Variants in FMN2 observed in about 807,000 individuals in gnomAD.
The protein encoded by FMN2 is formin-2.
Under a neutral mutation model 142.3 loss-of-function variants are expected in FMN2, and 51 were observed. The observed-to-expected ratio is 0.36, with a 90% CI of 0.29 to 0.45. FMN2 has a LOEUF of 0.45. Ranked by LOEUF, FMN2 falls within the 20% of genes least tolerant of loss-of-function variation. The probability of loss-of-function intolerance (pLI) is 1.00; values close to 1 mark genes in which losing one functional copy is unlikely to be tolerated. For synonymous variants in FMN2, 882 were observed against 869.8 expected, an observed-to-expected ratio of 1.01 and a Z score of -0.25; for missense variants, 1,936 against 2,122.8, an observed-to-expected ratio of 0.91 and a Z score of 1.73.
chr1:240,468,280 GCA>G (rs1308016727), intron 16 of FMN2, among the ~76,000 whole-genome samples: 2 of 149,610 alleles, frequency 1.3e-5, no homozygotes, highest in East Asian at 2.0e-4. Flanking sequence ...ATATACATAT[GCA>G]CACACACATA....
intron 1 of FMN2, among the ~76,000 whole-genome samples, chr1:240,116,532 T>C (rs996764243): frequency 7.2e-6 from 1 of 139,146 alleles, no homozygotes; most frequent in African/African-American, 2.5e-5. Context: ...GAGAGTAAAA[T>C]GCTTTAAGGA....
At chr1:240,388,874 A>G (rs1382163529) in intron 14 of FMN2, among the ~76,000 whole-genome samples, 1 of 148,688 alleles carries the variant, frequency 6.7e-6, no homozygotes, top group African/African-American at 2.5e-5. Context: ...AAAAAAAAAA[A>G]AAAGGGGGGG....
chr1:240,418,925 C>G, intron 15 of FMN2, among the ~76,000 whole-genome samples: 1 of 151,828 alleles, frequency 6.6e-6, no homozygotes, highest in East Asian at 1.9e-4. Flanking sequence ...TGGCCAACAT[C>G]ATGAAACCCC....
chr1:240,114,770 G>A (rs1392728789), intron 1 of FMN2, among the ~76,000 whole-genome samples: 1 of 149,050 alleles, frequency 6.7e-6, no homozygotes. Context: ...TGATTCTCCT[G>A]CCTCAACTTC....
chr1:240,306,608 C>T (rs1016387154), intron 8 of FMN2, among the ~76,000 whole-genome samples: 3 of 152,196 alleles, frequency 2.0e-5, no homozygotes, highest in Non-Finnish European at 2.9e-5. Context: ...TGTAGCATTC[C>T]GTGGGGTATA....
intron 2 of FMN2, among the ~76,000 whole-genome samples, chr1:240,172,397 TA>T (rs1664743328): frequency 6.6e-6 from 1 of 152,210 alleles, no homozygotes; most frequent in African/African-American, 2.4e-5. Context: ...GTAGGTGAGA[TA>T]ATGATTTTCA....
intron 15 of FMN2, among the ~76,000 whole-genome samples, chr1:240,434,555 GTTTTTTT>G (rs57596533): frequency 1.3e-5 from 2 of 148,270 alleles, no homozygotes; most frequent in African/African-American, 5.0e-5. Flanking sequence ...TTTGTTTTTT[GTTTTTTT>G]TTGTTTTTTG....
intron 6 of FMN2, among the ~76,000 whole-genome samples, chr1:240,252,970 TGG>T (rs2102888498): frequency 7.1e-6 from 1 of 140,230 alleles, no homozygotes; most frequent in Non-Finnish European, 1.5e-5. Flanking sequence ...TTTTTTTTTT[TGG>T]AGACAGAGTC....
intron 6 of FMN2, among the ~76,000 whole-genome samples, chr1:240,224,628 G>A (rs964415373): frequency 3.3e-5 from 5 of 152,146 alleles, no homozygotes; most frequent in African/African-American, 7.2e-5. Flanking sequence ...GGGAGTCTAA[G>A]TCTTGGCATG....
At chr1:240,369,733 T>A (rs1414484786) in intron 14 of FMN2, among the ~76,000 whole-genome samples, 3 of 152,338 alleles carry the variant, frequency 2.0e-5, no homozygotes, top group Admixed American at 1.3e-4. Context: ...AATTTTTGCT[T>A]CTTTGTTTCT....
At chr1:240,465,380 G>GTC (rs1245291981) in intron 16 of FMN2, among the ~76,000 whole-genome samples, 13 of 105,520 alleles carry the variant, frequency 1.2e-4, no homozygotes, top group African/African-American at 4.6e-4. Flanking sequence ...GTGTGTGTGT[G>GTC]TGTGTGTCTG....
At chr1:240,102,989 C>T (rs770680196) in intron 1 of FMN2, among the ~76,000 whole-genome samples, 3 of 151,882 alleles carry the variant, frequency 2.0e-5, no homozygotes, top group South Asian at 4.2e-4. Flanking sequence ...CTCAGCCTCC[C>T]GAGTAGCTGG....
At chr1:240,296,128 G>T (rs77003687) in intron 8 of FMN2, among the ~76,000 whole-genome samples, 1 of 150,772 alleles carries the variant, frequency 6.6e-6, no homozygotes, top group Admixed American at 6.6e-5. Flanking sequence ...CATTCTGCCT[G>T]TTTCTCTATA....
At chr1:240,095,840 C>G (rs944930549) in intron 1 of FMN2, among the ~76,000 whole-genome samples, 3 of 152,054 alleles carry the variant, frequency 2.0e-5, no homozygotes, top group African/African-American at 7.2e-5. Context: ...TGTATAGGAA[C>G]CACCTGGGTT....
chr1:240,337,186 T>C (rs1671592774), intron 13 of FMN2, among the ~76,000 whole-genome samples: 1 of 150,032 alleles, frequency 6.7e-6, no homozygotes, highest in Non-Finnish European at 1.5e-5. Flanking sequence ...AGTAGCCTAT[T>C]AAAAATTATT....
chr1:240,258,033 G>A lies in FMN2; in HGVS notation c.4153+1G>A. On this transcript the variant is annotated splice_donor_variant, in intron 7 of 17. Coordinates refer to ENST00000319653, the MANE Select transcript of FMN2 (RefSeq NM_020066.5). LOFTEE classifies it high-confidence loss of function. ...TTAGATATGAAAGACATACAACATG[G>A]TAAGTGTCAAAATGAAAATTTAGCT... 1.2e-6 allele frequency: 2 copies of A among 1,603,988 alleles called. No homozygotes were observed. Among genetic ancestry groups the A allele is most frequent in the Non-Finnish European group, 1.7e-6 (2 of 1,175,546 alleles).
chr1:240,283,751 A>G (rs1256092207), intron 7 of FMN2, among the ~76,000 whole-genome samples: 1 of 152,132 alleles, frequency 6.6e-6, no homozygotes, highest in African/African-American at 2.4e-5. Flanking sequence ...AAGGTAGGGA[A>G]AGTCATGAGC....
chr1:240,454,809 A>G (rs1214133399), intron 16 of FMN2, among the ~76,000 whole-genome samples: 1 of 149,282 alleles, frequency 6.7e-6, no homozygotes, highest in East Asian at 2.0e-4. Flanking sequence ...CAGGGTATGG[A>G]GCCTGAACTT....
intron 8 of FMN2, among the ~76,000 whole-genome samples, chr1:240,326,399 A>G (rs1313625228): frequency 6.6e-6 from 1 of 152,194 alleles, no homozygotes; most frequent in African/African-American, 2.4e-5. Flanking sequence ...TGTGCTGAAT[A>G]GTTTGGGGAG....
Sources: allele counts gnomAD v4.1 joint callset (sites outside exome capture counted in the v4.1 genomes callset), GRCh38; gene constraint gnomAD v4.1.1; transcripts MANE v1.5; gene names NCBI Gene and HGNC (gene_info 2026-07-23, HGNC 2026-07-21).